Variants in ITGA9 observed in about 807,000 individuals in gnomAD.
ITGA9 encodes integrin alpha-9.
A neutral mutation model predicts 127.8 loss-of-function variants in ITGA9; 56 were observed. That is an observed-to-expected ratio of 0.44 (90% CI 0.35 to 0.55). ITGA9 has a LOEUF of 0.55. Ranked by LOEUF, ITGA9 falls within the 20% of genes least tolerant of loss-of-function variation. The pLI, the probability that ITGA9 is intolerant of heterozygous loss-of-function variation, is 0.00. For synonymous variants in ITGA9, 508 were observed against 514.5 expected, an observed-to-expected ratio of 0.99 and a Z score of 0.17; for missense variants, 1,196 against 1,347.1, an observed-to-expected ratio of 0.89 and a Z score of 1.76.
At chr3:37,631,828 G>A (rs552069448) in intron 16 of ITGA9, among the ~76,000 whole-genome samples, 1 of 152,166 alleles carries the variant, frequency 6.6e-6, no homozygotes, top group Non-Finnish European at 1.5e-5. Flanking sequence ...TTTCACCATT[G>A]TCCCCACCCC....
Position 37,548,351 on chromosome 3 carries a change from C to G in ITGA9, c.1689+5766C>G, listed in dbSNP as rs114107080. Among the ~76,000 whole-genome samples the G allele has an allele frequency of 5.9e-3, 899 of 152,128 alleles. 10 individuals carry two copies. Among genetic ancestry groups the G allele is most frequent in the African/African-American group, 0.021 (861 of 41,494 alleles). On this transcript the variant is annotated intron_variant, in intron 15 of 27. Coordinates refer to ENST00000264741, the MANE Select transcript of ITGA9 (RefSeq NM_002207.3). The stretch of plus-strand genomic sequence containing the variant: ...AGAGGGATGAGACAACTTTCTGGGG[C>G]GATGAACATATTCTAAGATCGTGGT...
At chr3:37,532,115 G>A (rs1208892950) in intron 13 of ITGA9, among the ~76,000 whole-genome samples, 1 of 152,228 alleles carries the variant, frequency 6.6e-6, no homozygotes, top group Non-Finnish European at 1.5e-5. Flanking sequence ...AGACTAAGGT[G>A]TTGGCCTTCT....
At position 37,533,333 on chromosome 3, in the gene ITGA9, G is replaced by A. The variant is rs773603819; in HGVS notation, c.1393G>A (p.Val465Met). 31 of 1,614,034 alleles carry A rather than the reference G, an allele frequency of 1.9e-5. No homozygotes were observed. The highest frequency in any genetic ancestry group is 2.5e-5 in the Non-Finnish European group (29 of 1,180,040). Residue 465 changes from valine (V) to methionine (M), a missense_variant, in exon 14 of 28, where the codon GTG (valine) becomes ATG (methionine). Val to Met is a conservative substitution (Grantham distance 21, BLOSUM62 1). Transcript: ENST00000264741. ...CTGCAGAGCAAGGCCTGTCATTACGGTGGATGTCTCCATCTTCCTCCCGGG... is the reference window on the plus strand; with the variant it reads ...CTGCAGAGCAAGGCCTGTCATTACGATGGATGTCTCCATCTTCCTCCCGGG... ...VLLRARPVIT[V>M]DVSIFLPGSI...
chr3:37,509,044 C>A (rs1426390659), intron 8 of ITGA9, among the ~76,000 whole-genome samples: 3 of 152,104 alleles, frequency 2.0e-5, no homozygotes, highest in Non-Finnish European at 4.4e-5. Flanking sequence ...CCAACATTAC[C>A]CCCTTCCCTA....
intron 26 of ITGA9, among the ~76,000 whole-genome samples, chr3:37,787,470 T>C (rs757369518): frequency 3.3e-5 from 5 of 152,142 alleles, no homozygotes; most frequent in Non-Finnish European, 5.9e-5. Context: ...CAAGAGTTCT[T>C]GGGAAGAGGC....
intron 23 of ITGA9, among the ~76,000 whole-genome samples, chr3:37,776,746 C>T (rs1696912947): frequency 6.6e-6 from 1 of 152,222 alleles, no homozygotes; most frequent in Non-Finnish European, 1.5e-5. Flanking sequence ...AAATCACTCA[C>T]CAAGAGCTCG....
intron 26 of ITGA9, among the ~76,000 whole-genome samples, chr3:37,797,104 G>T (rs986395053): frequency 6.6e-6 from 1 of 152,082 alleles, no homozygotes; most frequent in Admixed American, 6.5e-5. Flanking sequence ...GAGGCATGCA[G>T]ATAACTTCAG....
chr3:37,653,100 G>A (rs1700444689), intron 16 of ITGA9, among the ~76,000 whole-genome samples: 2 of 152,196 alleles, frequency 1.3e-5, no homozygotes, highest in African/African-American at 2.4e-5. Context: ...CCCAGTCTTG[G>A]TTAGAGAAAA....
At chr3:37,723,768 A>G (rs1247370653) in intron 18 of ITGA9, among the ~76,000 whole-genome samples, 4 of 152,228 alleles carry the variant, frequency 2.6e-5, no homozygotes. Context: ...CCCATCCCCT[A>G]GAACAGGGCG....
chr3:37,704,391 GA>G (rs1700980807), intron 18 of ITGA9, among the ~76,000 whole-genome samples: 1 of 152,146 alleles, frequency 6.6e-6, no homozygotes, highest in East Asian at 1.9e-4. Context: ...TTCCTCTCTG[GA>G]ATTAATTTGT....
At chr3:37,805,594 T>C (rs1697285643) in intron 27 of ITGA9, among the ~76,000 whole-genome samples, 1 of 152,204 alleles carries the variant, frequency 6.6e-6, no homozygotes, top group African/African-American at 2.4e-5. Context: ...CATTATGTCG[T>C]TAGGTTGAAA....
intron 14 of ITGA9, among the ~76,000 whole-genome samples, chr3:37,539,985 A>G (rs559320356): frequency 7.2e-5 from 11 of 152,348 alleles, no homozygotes; most frequent in African/African-American, 2.6e-4. Context: ...GCCACTAGAG[A>G]AAGCCCTCAG....
rs1293698309 is a variant in ITGA9, at chr3:37,803,897, G to A, written c.2964G>A (p.Leu988=). 6.2e-7 allele frequency: 1 copy of A among 1,614,196 alleles called. No individual in the cohort carries two copies. The highest frequency in any genetic ancestry group is 8.5e-7 in the Non-Finnish European group (1 of 1,180,038). Residue 988 remains leucine, a synonymous_variant, in exon 27 of 28, where the codon TTG becomes TTA. Coordinates refer to ENST00000264741, the MANE Select transcript of ITGA9 (RefSeq NM_002207.3). The stretch of plus-strand genomic sequence containing the variant: ...GGTGGATCATCGCCATCAGTTTGTT[G>A]GTGGGAATCCTCATCTTCCTGCTGC... ...VVGWIIAISL[L]VGILIFLLLA... is the part of the protein sequence containing the mutation.
At chr3:37,803,486 T>C (rs1273756583) in intron 26 of ITGA9, among the ~76,000 whole-genome samples, 3 of 152,230 alleles carry the variant, frequency 2.0e-5, no homozygotes, top group Non-Finnish European at 4.4e-5. Context: ...TGCGCACTTC[T>C]GTTTAGGAAA....
intron 11 of ITGA9, among the ~76,000 whole-genome samples, chr3:37,519,914 A>C (rs1699027409): frequency 6.6e-6 from 1 of 152,202 alleles, no homozygotes; most frequent in Non-Finnish European, 1.5e-5. Flanking sequence ...ATGGGAAAAA[A>C]GGAAGTCATG....
At chr3:37,526,157 T>C in intron 13 of ITGA9, 86 bp downstream of exon 13, 1 of 1,166,148 alleles carries the variant, frequency 8.6e-7, no homozygotes, top group East Asian at 2.3e-5. Flanking sequence ...CTTTCCTCTG[T>C]CCTGTTCCTT....
At chr3:37,483,101 A>C (rs758942500) in intron 4 of ITGA9, among the ~76,000 whole-genome samples, 7 of 152,214 alleles carry the variant, frequency 4.6e-5, no homozygotes, top group Non-Finnish European at 8.8e-5. Context: ...CGATGGGCTC[A>C]GCAGGGTGAT....
At chr3:37,733,182 C>T (rs927203854) in intron 19 of ITGA9, among the ~76,000 whole-genome samples, 2 of 152,184 alleles carry the variant, frequency 1.3e-5, no homozygotes, top group Non-Finnish European at 2.9e-5. Context: ...ACCTATAGTC[C>T]TGTCATTCCC....
intron 23 of ITGA9, among the ~76,000 whole-genome samples, chr3:37,764,107 C>A (rs779617225): frequency 6.6e-6 from 1 of 152,134 alleles, no homozygotes; most frequent in African/African-American, 2.4e-5. Flanking sequence ...TTCTCCATGC[C>A]CCATGACCCT....
Sources: gnomAD v4.1 joint callset for allele counts (sites outside exome capture counted in the v4.1 genomes callset) on GRCh38, gnomAD v4.1.1 for gene constraint, MANE v1.5 for transcripts, NCBI Gene and HGNC (gene_info 2026-07-23, HGNC 2026-07-21) for gene names.